Variants in SLC30A9 observed in about 807,000 individuals in gnomAD.
SLC30A9 encodes the protein solute carrier family 30 member 9.
Under a neutral mutation model 87.5 loss-of-function variants are expected in SLC30A9, and 58 were observed. The observed-to-expected ratio is 0.66, with a 90% CI of 0.54 to 0.82. SLC30A9 has a LOEUF of 0.82. SLC30A9 is among the 40% of genes least tolerant of loss of function. The pLI is 0.00. For missense variants in SLC30A9, 557 were observed against 679.1 expected, an observed-to-expected ratio of 0.82 and a Z score of 2.00; for synonymous variants, 234 against 233.0, an observed-to-expected ratio of 1.00 and a Z score of -0.04.
At chr4:42,035,362 G>A (rs557674766) in intron 7 of SLC30A9, 29 bp downstream of exon 7, 2 of 1,596,436 alleles carry the variant, frequency 1.3e-6, no homozygotes, top group South Asian at 1.1e-5. Context: ...TAATGTGTGT[G>A]TTTGTGTTGC....
intron 6 of SLC30A9, among the ~76,000 whole-genome samples, chr4:42,026,036 TGAA>T (rs1167726847): frequency 6.6e-6 from 1 of 152,100 alleles, no homozygotes; most frequent in Non-Finnish European, 1.5e-5. Flanking sequence ...GCAATCATAG[TGAA>T]TTATAGCCTT....
chr4:42,006,585 G>A (rs1050638346), intron 2 of SLC30A9, among the ~76,000 whole-genome samples: 12 of 151,676 alleles, frequency 7.9e-5, no homozygotes, highest in Non-Finnish European at 4.4e-5. Context: ...TACTCAAGAT[G>A]TTGAGGTAGG....
intron 16 of SLC30A9, among the ~76,000 whole-genome samples, chr4:42,077,348 A>G (rs539700458): frequency 1.3e-5 from 2 of 152,254 alleles, no homozygotes; most frequent in South Asian, 4.1e-4. Flanking sequence ...CTGATTTTTC[A>G]TGTTTTAAGT....
intron 1 of SLC30A9, among the ~76,000 whole-genome samples, chr4:41,994,796 G>A (rs1714620657): frequency 6.9e-6 from 1 of 144,956 alleles, no homozygotes; most frequent in South Asian, 2.2e-4. Flanking sequence ...GCTGAGGCAG[G>A]AGAATTGCTT....
intron 7 of SLC30A9, 25 bp downstream of exon 7, chr4:42,035,358 G>A: frequency 6.3e-7 from 1 of 1,596,980 alleles, no homozygotes; most frequent in African/African-American, 1.3e-5. Context: ...GTAATAATGT[G>A]TGTGTTTGTG....
At chr4:42,047,371 A>T (rs1023299519) in intron 8 of SLC30A9, among the ~76,000 whole-genome samples, 3 of 152,254 alleles carry the variant, frequency 2.0e-5, no homozygotes, top group Admixed American at 2.0e-4. Flanking sequence ...AAGGAACTTA[A>T]ACAAATTTAC....
chr4:42,066,801 A>G (rs1245848195), intron 13 of SLC30A9, among the ~76,000 whole-genome samples, 180 bp downstream of exon 13: 1 of 152,216 alleles, frequency 6.6e-6, no homozygotes, highest in African/African-American at 2.4e-5. Context: ...AAATTTGAAC[A>G]TGGATACTTT....
intron 6 of SLC30A9, among the ~76,000 whole-genome samples, chr4:42,028,714 G>A (rs1279583735): frequency 6.6e-6 from 1 of 152,202 alleles, no homozygotes; most frequent in Non-Finnish European, 1.5e-5. Context: ...ACCACTGAAA[G>A]AAATAGAAGC....
chr4:42,076,961 C>CAAAAA (rs36152706), intron 16 of SLC30A9, among the ~76,000 whole-genome samples: 1,239 of 29,512 alleles, frequency 0.042, 24 homozygotes, highest in African/African-American at 0.09. Context: ...GACTCCGTCT[C>CAAAAA]AAAAAAAAAA....
intron 17 of SLC30A9, chr4:42,078,918 G>T (rs1265094587): frequency 6.6e-6 from 1 of 152,062 alleles, no homozygotes. Context: ...TATATAATTT[G>T]TTGAAGGCAG....
intron 1 of SLC30A9, among the ~76,000 whole-genome samples, chr4:41,995,010 C>A (rs1381143126): frequency 1.3e-5 from 2 of 152,062 alleles, no homozygotes; most frequent in Non-Finnish European, 2.9e-5. Context: ...GTAATCCCAG[C>A]ACTTTGGGAG....
chr4:41,991,955 C>T (rs2153131689), intron 1 of SLC30A9, among the ~76,000 whole-genome samples: 3 of 151,764 alleles, frequency 2.0e-5, no homozygotes, highest in Middle Eastern at 6.8e-3. Flanking sequence ...AGCACTATTC[C>T]CAGGGCTTTT....
At chr4:42,020,356 T>G in intron 3 of SLC30A9, 60 bp from the exon 4 acceptor site, 1 of 791,434 alleles carries the variant, frequency 1.3e-6, no homozygotes, top group South Asian at 1.7e-5. Flanking sequence ...CAGCCTATAT[T>G]CATCTTCACA....
rs571678176 is a variant in SLC30A9, at chr4:41,992,225, C to G, written c.109+1465C>G. 2.0e-5 allele frequency among the ~76,000 whole-genome samples: 3 copies of G among 151,680 alleles called. No individual in the cohort carries two copies. In the South Asian group the frequency reaches 6.2e-4, roughly 32 times the overall value. On this transcript the variant is annotated intron_variant, in intron 1 of 17. Transcript: ENST00000264451. ...TGGTGACGCGCGCCTGTAATCCTAG[C>G]CTGTACTCAGGAGGCTGAGGTGGGA...
chr4:42,039,191 T>C (rs1187900550), intron 8 of SLC30A9, 138 bp downstream of exon 8: 2 of 648,974 alleles, frequency 3.1e-6, no homozygotes, highest in South Asian at 2.0e-5. Context: ...ATTGAATAAG[T>C]CTTTATTATT....
At chr4:42,071,876 G>C (rs1718325139) in intron 15 of SLC30A9, among the ~76,000 whole-genome samples, 1 of 152,108 alleles carries the variant, frequency 6.6e-6, no homozygotes, top group South Asian at 2.1e-4. Context: ...TGAATAATTG[G>C]TGTTAGCTTC....
intron 2 of SLC30A9, among the ~76,000 whole-genome samples, chr4:42,017,030 A>G (rs1020426963): frequency 1.3e-5 from 2 of 152,158 alleles, no homozygotes; most frequent in Admixed American, 1.3e-4. Context: ...TTGTTTACCA[A>G]GGTATTGTGC....
At chr4:41,999,622 A>C (rs1214533545) in intron 1 of SLC30A9, among the ~76,000 whole-genome samples, 1 of 152,168 alleles carries the variant, frequency 6.6e-6, no homozygotes, top group African/African-American at 2.4e-5. Flanking sequence ...CAGCCTGGGA[A>C]ACTACCAGGA....
intron 1 of SLC30A9, among the ~76,000 whole-genome samples, chr4:41,999,933 T>C (rs1714905689): frequency 6.6e-6 from 1 of 152,180 alleles, no homozygotes; most frequent in Non-Finnish European, 1.5e-5. Flanking sequence ...TGGATGAAAT[T>C]ATATCTGAGA....
Sources: allele counts gnomAD v4.1 joint callset (sites outside exome capture counted in the v4.1 genomes callset), GRCh38; gene constraint gnomAD v4.1.1; transcripts MANE v1.5; gene names NCBI Gene and HGNC (gene_info 2026-07-23, HGNC 2026-07-21).